TRIP12: variants seen among roughly 807,000 people sequenced by gnomAD.
The protein encoded by TRIP12 is E3 ubiquitin-protein ligase TRIP12.
TRIP12 carries 25 observed loss-of-function variants against 244.2 expected under a neutral mutation model. The ratio of observed to expected loss-of-function variants is 0.10; its 90% CI spans 0.07 to 0.14. The LOEUF (loss-of-function observed/expected upper bound fraction) is 0.14, where lower values mean the gene tolerates loss of function less well. Ranked by LOEUF, TRIP12 falls within the 10% of genes least tolerant of loss-of-function variation. TRIP12 has a pLI of 1.00. For synonymous variants in TRIP12, 905 were observed against 873.1 expected (o/e 1.04, Z -0.64); for missense variants, 1,677 against 2,486.4 (o/e 0.67, Z 6.92).
At chr2:229,794,586 T>C (rs113467092) in intron 26 of TRIP12, among the ~76,000 whole-genome samples, 3 of 151,798 alleles carry the variant, frequency 2.0e-5, no homozygotes, top group Admixed American at 6.6e-5. Context: ...AATAAATAAA[T>C]AAATAAATAA....
At chr2:229,865,018 C>T (rs533648022) in intron 2 of TRIP12, among the ~76,000 whole-genome samples, 1 of 152,172 alleles carries the variant, frequency 6.6e-6, no homozygotes, top group Admixed American at 6.5e-5. Flanking sequence ...ATCAAGAGCA[C>T]AATATTGGGC....
At chr2:229,836,378 C>T (rs1357379253) in intron 6 of TRIP12, among the ~76,000 whole-genome samples, 1 of 152,004 alleles carries the variant, frequency 6.6e-6, no homozygotes, top group African/African-American at 2.4e-5. Flanking sequence ...GAGAGAAAAG[C>T]CTTAATTTTG....
intron 2 of TRIP12, among the ~76,000 whole-genome samples, chr2:229,870,774 C>T (rs1022673502): frequency 1.3e-4 from 19 of 151,988 alleles, no homozygotes; most frequent in African/African-American, 4.1e-4. Flanking sequence ...TATTTTTTTG[C>T]GGTATACTTC....
chr2:229,802,398 C>G lies in TRIP12; in HGVS notation c.3060G>C (p.Lys1020Asn). 2 of 1,614,006 alleles carry G rather than the reference C, an allele frequency of 1.2e-6. No individual in the cohort carries two copies. Among genetic ancestry groups the G allele is most frequent in the Non-Finnish European group, 1.7e-6 (2 of 1,179,956 alleles). ...ESESLLTSPP[K>N]ACTNGSGSMG... The stretch of plus-strand genomic sequence containing the variant: ...TGGATCCCGATCCATTCGTACATGC[C>G]TTTGGTGGACTTGTCAACAAAGACT... The change falls in exon 21 of 42, where the codon AAG (lysine) becomes AAC (asparagine). Residue 1020 changes from lysine to asparagine, a missense_variant. Around this residue, in one of 11 missense-constraint regions of TRIP12, gnomAD observed 572 missense variants for 867.8 expected, o/e 0.66. Transcript: ENST00000675903.
intron 2 of TRIP12, among the ~76,000 whole-genome samples, chr2:229,877,241 A>AT (rs2063766513): frequency 6.6e-6 from 1 of 152,032 alleles, no homozygotes; most frequent in Non-Finnish European, 1.5e-5. Flanking sequence ...ACATAATACA[A>AT]TTTACAAAAT....
At chr2:229,910,701 T>C (rs2154377096) in intron 1 of TRIP12, among the ~76,000 whole-genome samples, 1 of 151,730 alleles carries the variant, frequency 6.6e-6, no homozygotes, top group South Asian at 2.1e-4. Context: ...CACCAAAGGC[T>C]GAAATACCCC....
Position 229,826,408 on chromosome 2 carries a change from T to C in TRIP12, c.1450+2785A>G, listed in dbSNP as rs749637220. 1.2e-4 allele frequency among the ~76,000 whole-genome samples: 19 copies of C among 152,280 alleles called. 1 individual carries two copies. The highest frequency in any genetic ancestry group is 4.1e-4 in the South Asian group (2 of 4,820). On this transcript the variant is annotated intron_variant, in intron 8 of 41. Coordinates refer to ENST00000675903, the MANE Select transcript of TRIP12 (RefSeq NM_001348323.3). ...AGTTTGCAAGAAATAAATTATGATA[T>C]TGAGATAATGAAACTTTGACATCTA...
intron 2 of TRIP12, among the ~76,000 whole-genome samples, chr2:229,863,546 G>A (rs115234907): frequency 6.6e-5 from 10 of 152,294 alleles, no homozygotes; most frequent in African/African-American, 2.4e-4. Flanking sequence ...AACAGGCAGT[G>A]AGCCAGATTC....
chr2:229,884,836 C>T lies in TRIP12; in HGVS notation c.-49-4708G>A, dbSNP rs145215078. Among the ~76,000 whole-genome samples the T allele has an allele frequency of 4.4e-3, 668 of 152,164 alleles. 4 individuals carry two copies. The highest frequency in any genetic ancestry group is 6.3e-3 in the Non-Finnish European group (428 of 68,012). On this transcript the variant is annotated intron_variant, in intron 1 of 41. Transcript: ENST00000675903. The stretch of plus-strand genomic sequence containing the variant: ...AAACTTAAAAATTAGCCAGGCAGGA[C>T]GGTGCACACCTGTGGTCCCAGCAAC...
rs535083060 is a variant in TRIP12, at chr2:229,787,303, G to C, written c.4995+202C>G. On this transcript the variant is annotated intron_variant, in intron 33 of 41. Transcript: ENST00000675903. ...ATTGTAGAAATTATTTCAGAAACTG[G>C]GGGGTGGGGAGGAGAGAAACTCTTA... 9.2e-5 allele frequency among the ~76,000 whole-genome samples: 14 copies of C among 152,232 alleles called. No individual in the cohort carries two copies. In the East Asian group the frequency reaches 2.7e-3, roughly 29 times the overall value.
chr2:229,809,469 G>GA (rs1167128940), intron 15 of TRIP12, among the ~76,000 whole-genome samples: 1 of 151,562 alleles, frequency 6.6e-6, no homozygotes, highest in Non-Finnish European at 1.5e-5. Flanking sequence ...TATACTAAAA[G>GA]AAAAAAAATG....
chr2:229,787,726 C>T (rs2040436061), intron 32 of TRIP12, 65 bp from the exon 33 acceptor site: 1 of 1,363,570 alleles, frequency 7.3e-7, no homozygotes, highest in Admixed American at 2.7e-5. Flanking sequence ...AAAAAAAAAT[C>T]CAAACTTATA....
intron 4 of TRIP12, among the ~76,000 whole-genome samples, chr2:229,851,825 A>T (rs1361591432): frequency 5.9e-5 from 9 of 152,146 alleles, no homozygotes; most frequent in Admixed American, 4.6e-4. Flanking sequence ...AACACATCCG[A>T]ACATCAGAAG....
chr2:229,872,156 C>T (rs1441036602), intron 2 of TRIP12, among the ~76,000 whole-genome samples: 5 of 143,894 alleles, frequency 3.5e-5, no homozygotes, highest in African/African-American at 1.3e-4. Context: ...AGGCCAGGTG[C>T]AGTGGCTCAT....
intron 8 of TRIP12, among the ~76,000 whole-genome samples, chr2:229,825,424 G>A (rs1468869347): frequency 6.6e-6 from 1 of 152,202 alleles, no homozygotes; most frequent in African/African-American, 2.4e-5. Flanking sequence ...GAGTGTATTA[G>A]TCCATTCTCA....
At chr2:229,880,994 AGAT>A in intron 1 of TRIP12, among the ~76,000 whole-genome samples, 2 of 152,308 alleles carry the variant, frequency 1.3e-5, no homozygotes, top group Admixed American at 1.3e-4. Flanking sequence ...CTTACTGAAA[AGAT>A]GAGGAGAAAA....
At chr2:229,837,943 G>C (rs1051304204) in intron 5 of TRIP12, among the ~76,000 whole-genome samples, 2 of 152,038 alleles carry the variant, frequency 1.3e-5, no homozygotes, top group African/African-American at 4.8e-5. Flanking sequence ...AGCGAAATCA[G>C]TAAGCAAACC....
chr2:229,787,163 T>C (rs2040304024), intron 33 of TRIP12, among the ~76,000 whole-genome samples: 1 of 152,226 alleles, frequency 6.6e-6, no homozygotes, highest in Non-Finnish European at 1.5e-5. Context: ...AAGGGATCAA[T>C]TTTTAAAGGC....
At chr2:229,803,538 A>G (rs776979118) in intron 20 of TRIP12, 33 bp downstream of exon 20, 3 of 1,372,766 alleles carry the variant, frequency 2.2e-6, no homozygotes, top group Middle Eastern at 1.9e-4. Flanking sequence ...AGTACTATCT[A>G]GACTAAATGA....
Sources: allele counts gnomAD v4.1 joint callset (sites outside exome capture counted in the v4.1 genomes callset), GRCh38; gene constraint gnomAD v4.1.1; regional missense constraint gnomAD v4.1.1; transcripts MANE v1.5; gene names NCBI Gene and HGNC (gene_info 2026-07-23, HGNC 2026-07-21).